Variants in COL6A5 observed in about 807,000 individuals in gnomAD.
The protein encoded by COL6A5 is collagen type VI alpha 5 chain, also known as collagen alpha-5(VI) chain.
Under a neutral mutation model 65.6 loss-of-function variants are expected in COL6A5, and 48 were observed. That is an observed-to-expected ratio of 0.73 (90% CI 0.58 to 0.93). The LOEUF (loss-of-function observed/expected upper bound fraction) is 0.93, where lower values mean the gene tolerates loss of function less well. Ranked by LOEUF, COL6A5 falls within the 40% of genes least tolerant of loss-of-function variation. The probability of loss-of-function intolerance (pLI) is 0.00; values close to 1 mark genes in which losing one functional copy is unlikely to be tolerated. For missense variants in COL6A5, 914 were observed against 928.3 expected, an observed-to-expected ratio of 0.98 and a Z score of 0.20; for synonymous variants, 291 against 322.8, an observed-to-expected ratio of 0.90 and a Z score of 1.05.
At chr3:130,420,455 T>TG (rs1231729383) in intron 25 of COL6A5, among the ~76,000 whole-genome samples, 2 of 152,118 alleles carry the variant, frequency 1.3e-5, no homozygotes, top group African/African-American at 4.8e-5. Flanking sequence ...TTGCTTTCAG[T>TG]TTTTCACTGT....
chr3:130,417,990 A>G (rs541046518), intron 24 of COL6A5, among the ~76,000 whole-genome samples: 1 of 152,234 alleles, frequency 6.6e-6, no homozygotes, highest in South Asian at 2.1e-4. Flanking sequence ...GGTTAAAAAT[A>G]CAGTATTGTA....
exon 1 of COL6A5, chr3:130,345,862 T>C: frequency 7.5e-6 from 3 of 398,520 alleles, no homozygotes; most frequent in South Asian, 2.5e-4. Flanking sequence ...TCTATCCAAC[T>C]GCGCCGCGGG....
chr3:130,468,646 T>G (rs957948000), intron 5 of COL6A5, 149 bp from the exon 38 acceptor site: 3 of 622,428 alleles, frequency 4.8e-6, no homozygotes, highest in Non-Finnish European at 8.4e-6. Context: ...AGGGTGCATC[T>G]GGGAACAAGC....
intron 5 of COL6A5, among the ~76,000 whole-genome samples, chr3:130,388,154 A>G (rs1445764059): frequency 6.6e-6 from 1 of 152,070 alleles, no homozygotes; most frequent in Non-Finnish European, 1.5e-5. Context: ...AAATTATTTG[A>G]AATTGTGTTT....
intron 7 of COL6A5, among the ~76,000 whole-genome samples, chr3:130,479,418 G>GTAAAA (rs1710180904): frequency 5.1e-5 from 1 of 19,506 alleles, no homozygotes; most frequent in Admixed American, 7.1e-4. Flanking sequence ...CTTTTATCAG[G>GTAAAA]CAAAACAAAA....
upstream of COL6A5, chr3:130,426,466 G>T: frequency 6.8e-7 from 1 of 1,481,414 alleles, no homozygotes; most frequent in Non-Finnish European, 9.2e-7. Context: ...AGGACTGTAT[G>T]CAGTGTGGGT....
intron 22 of COL6A5, among the ~76,000 whole-genome samples, chr3:130,414,474 T>C (rs1426036458): frequency 6.6e-6 from 1 of 152,100 alleles, no homozygotes. Context: ...ATACACAGGC[T>C]CCCACAAAGG....
intron 12 of COL6A5, 138 bp from the exon 13 acceptor site, chr3:130,403,471 C>T (rs1936879510): frequency 4.5e-6 from 3 of 673,828 alleles, no homozygotes; most frequent in Non-Finnish European, 5.2e-6. Context: ...GTCAGATTCT[C>T]CCCAAACTCA....
exon 3 of COL6A5, chr3:130,376,461 A>G (rs781423899): frequency 1.2e-6 from 2 of 1,611,924 alleles, no homozygotes; most frequent in Non-Finnish European, 1.7e-6. Context: ...GAACCACCTC[A>G]AGAAGAACTT....
At chr3:130,463,158 G>T (rs966165306) in intron 5 of COL6A5, among the ~76,000 whole-genome samples, 1 of 152,088 alleles carries the variant, frequency 6.6e-6, no homozygotes. Flanking sequence ...AAAGCCAAAA[G>T]AAAGTACTGC....
chr3:130,429,637 A>G (rs1937712888), upstream of COL6A5: 2 of 1,464,058 alleles, frequency 1.4e-6, no homozygotes, highest in Non-Finnish European at 1.8e-6. Flanking sequence ...GCTGCATTCC[A>G]ACAAGACCAA....
intron 1 of COL6A5, among the ~76,000 whole-genome samples, chr3:130,353,873 C>T (rs1559853463): frequency 6.6e-6 from 1 of 151,882 alleles, no homozygotes. Context: ...GAATATGTCA[C>T]TTATATTTAT....
At chr3:130,354,103 A>G (rs1446758499) in intron 1 of COL6A5, among the ~76,000 whole-genome samples, 2 of 151,904 alleles carry the variant, frequency 1.3e-5, no homozygotes, top group Non-Finnish European at 2.9e-5. Context: ...AAGAAGAAAG[A>G]GAAAGAAAGG....
At chr3:130,381,258 G>C (rs909744899) in intron 4 of COL6A5, among the ~76,000 whole-genome samples, 1 of 152,094 alleles carries the variant, frequency 6.6e-6, no homozygotes, top group African/African-American at 2.4e-5. Flanking sequence ...GAGATAACTA[G>C]TAATATCTGC....
Position 130,365,130 on chromosome 3 carries a change from G to C in COL6A5, c.-28-8481G>C, listed in dbSNP as rs1278291184. Among the ~76,000 whole-genome samples the C allele has an allele frequency of 2.0e-5, 3 of 152,186 alleles. No individual in the cohort carries two copies. In the East Asian group the frequency reaches 5.8e-4, roughly 29 times the overall value. On this transcript the variant is annotated intron_variant and NMD_transcript_variant, in intron 1 of 41. Transcript: ENST00000312481. The stretch of plus-strand genomic sequence containing the variant: ...AATCACAGTGACTGTAGCAATGCTG[G>C]CCTAAGCCAGGTGTACTTTCCTGGA...
intron 5 of COL6A5, among the ~76,000 whole-genome samples, chr3:130,463,143 G>A (rs1709737612): frequency 6.6e-6 from 1 of 152,106 alleles, no homozygotes; most frequent in South Asian, 2.1e-4. Flanking sequence ...TACTAAGAAA[G>A]TAGAAAAGCC....
At chr3:130,440,772 C>A in exon 3 of COL6A5, 2 of 1,613,120 alleles carry the variant, frequency 1.2e-6, no homozygotes, top group Non-Finnish European at 1.7e-6. Context: ...ATACATAAAC[C>A]AGATCTGAAT....
chr3:130,473,197 G>A (rs1309075309), intron 7 of COL6A5, among the ~76,000 whole-genome samples: 1 of 151,922 alleles, frequency 6.6e-6, no homozygotes, highest in Non-Finnish European at 1.5e-5. Flanking sequence ...GAAAATTCTG[G>A]ATGAAATACA....
intron 4 of COL6A5, among the ~76,000 whole-genome samples, chr3:130,446,886 T>TA (rs1709318407): frequency 6.6e-6 from 1 of 152,162 alleles, no homozygotes; most frequent in African/African-American, 2.4e-5. Context: ...TGGCTGCAGT[T>TA]AGAGTATTAT....
Sources: allele counts gnomAD v4.1 joint callset (sites outside exome capture counted in the v4.1 genomes callset), GRCh38; gene constraint gnomAD v4.1.1; transcripts MANE v1.5; gene names NCBI Gene and HGNC (gene_info 2026-07-23, HGNC 2026-07-21).